Variants in MAPKAPK2 observed in about 807,000 individuals in gnomAD.
MAPKAPK2 encodes the protein MAP kinase-activated protein kinase 2.
MAPKAPK2 carries 9 observed loss-of-function variants against 48.8 expected under a neutral mutation model. The ratio of observed to expected loss-of-function variants is 0.18; its 90% CI spans 0.11 to 0.32. The LOEUF (loss-of-function observed/expected upper bound fraction) is 0.32. Among genes scored for constraint, MAPKAPK2 ranks in the 10% least tolerant of loss-of-function variants. The pLI is 1.00. For missense variants in MAPKAPK2, 331 were observed against 498.3 expected, an observed-to-expected ratio of 0.66 and a Z score of 3.20; for synonymous variants, 202 against 190.6, an observed-to-expected ratio of 1.06 and a Z score of -0.49.
intron 1 of MAPKAPK2, among the ~76,000 whole-genome samples, chr1:206,699,761 C>T (rs1189064438): frequency 2.6e-5 from 4 of 152,086 alleles, no homozygotes; most frequent in African/African-American, 4.8e-5. Context: ...ACAGGGAGGC[C>T]GTGTTTGTGT....
At position 206,731,857 on chromosome 1, in the gene MAPKAPK2, C is replaced by G. The variant is rs1363748424; in HGVS notation, c.997C>G (p.Gln333Glu). The G allele has an allele frequency of 6.2e-7, 1 of 1,614,120 alleles. No individual in the cohort carries two copies. Among genetic ancestry groups the G allele is most frequent in the Non-Finnish European group, 8.5e-7 (1 of 1,180,018 alleles). ...PWIMQSTKVPQTPLHTSRVLK... is the reference protein window; with the variant it reads ...PWIMQSTKVPETPLHTSRVLK... ...TTCTCAGCAATCAACAAAGGTCCCT[C>G]AAACCCCACTGCACACCAGCCGGGT... Residue 333 changes from glutamine (Q) to glutamate (E), a missense_variant, in exon 9 of 10, where the codon CAA (glutamine) becomes GAA (glutamate). Physicochemically the swap from Gln to Glu is conservative, Grantham distance 29. Transcript: ENST00000367103. This position sits in a 1 kb window ranked among gnomAD's most constrained non-coding sequence, Gnocchi z 5.9.
chr1:206,691,659 CT>C, intron 1 of MAPKAPK2, among the ~76,000 whole-genome samples: 1 of 151,968 alleles, frequency 6.6e-6, no homozygotes, highest in Non-Finnish European at 1.5e-5. Context: ...GTCAGCTAAA[CT>C]TTCCAGGCCT....
At chr1:206,693,427 G>A (rs1455257720) in intron 1 of MAPKAPK2, among the ~76,000 whole-genome samples, 4 of 152,086 alleles carry the variant, frequency 2.6e-5, no homozygotes, top group Admixed American at 6.5e-5. Context: ...GCTGGGAGAC[G>A]TGCTATGGTT....
At chr1:206,709,838 C>T (rs1192504723) in intron 1 of MAPKAPK2, among the ~76,000 whole-genome samples, 1 of 152,108 alleles carries the variant, frequency 6.6e-6, no homozygotes, top group African/African-American at 2.4e-5. Flanking sequence ...GCATCCCTGG[C>T]CTCTACCCAC....
intron 1 of MAPKAPK2, among the ~76,000 whole-genome samples, chr1:206,687,345 C>T (rs1285977581): frequency 1.3e-5 from 2 of 152,162 alleles, no homozygotes; most frequent in Admixed American, 6.5e-5. Context: ...TATTTTTCTA[C>T]TTTGAATAGT....
At chr1:206,697,153 G>C (rs1271757819) in intron 1 of MAPKAPK2, among the ~76,000 whole-genome samples, 1 of 152,154 alleles carries the variant, frequency 6.6e-6, no homozygotes, top group Non-Finnish European at 1.5e-5. Context: ...TGACCCTTTT[G>C]CCCTTTGGAG....
chr1:206,695,450 G>GTTT (rs797043593), intron 1 of MAPKAPK2, among the ~76,000 whole-genome samples: 9 of 123,008 alleles, frequency 7.3e-5, no homozygotes, highest in African/African-American at 2.4e-4. Context: ...GCCCTGATCT[G>GTTT]TTTTTTTTTT....
intron 1 of MAPKAPK2, among the ~76,000 whole-genome samples, chr1:206,700,104 CT>C (rs1672753171): frequency 6.6e-6 from 1 of 151,380 alleles, no homozygotes; most frequent in Non-Finnish European, 1.5e-5. Context: ...GTTCTTGCCC[CT>C]CCCGCTGCAA....
chr1:206,728,880 G>A, intron 2 of MAPKAPK2, 31 bp downstream of exon 2: 3 of 1,612,738 alleles, frequency 1.9e-6, no homozygotes, highest in Non-Finnish European at 2.5e-6. Context: ...TCCCGGCCCA[G>A]CCTGTTCCCA....
intron 1 of MAPKAPK2, among the ~76,000 whole-genome samples, chr1:206,725,212 C>A (rs185846185): frequency 6.6e-6 from 1 of 152,358 alleles, no homozygotes; most frequent in Admixed American, 6.5e-5. Flanking sequence ...GTGTTCAGGG[C>A]AGAAAGTGCG....
At chr1:206,716,707 G>T (rs1673349450) in intron 1 of MAPKAPK2, among the ~76,000 whole-genome samples, 1 of 152,008 alleles carries the variant, frequency 6.6e-6, no homozygotes, top group South Asian at 2.1e-4. Flanking sequence ...GTATGCATGG[G>T]GGCTGCTTAG....
At chr1:206,688,795 C>T (rs576912095) in intron 1 of MAPKAPK2, among the ~76,000 whole-genome samples, 59 of 152,142 alleles carry the variant, frequency 3.9e-4, no homozygotes, top group Admixed American at 7.8e-4. Flanking sequence ...TCACCATGCC[C>T]GGCTAATTTT....
intron 1 of MAPKAPK2, among the ~76,000 whole-genome samples, chr1:206,699,136 G>C (rs1553427511): frequency 6.6e-6 from 1 of 152,240 alleles, no homozygotes; most frequent in Non-Finnish European, 1.5e-5. Context: ...AAAAATGAAT[G>C]AAAGAGGACT....
intron 1 of MAPKAPK2, among the ~76,000 whole-genome samples, chr1:206,702,067 T>C (rs1672814712): frequency 6.6e-6 from 1 of 152,198 alleles, no homozygotes; most frequent in Non-Finnish European, 1.5e-5. Context: ...GTGATAATTA[T>C]CTGGGTTTGG....
In MAPKAPK2 at chr1:206,691,504, T is replaced by TATATATATATATATATATATATATATAC. The variant is rs1424297313; in HGVS notation, c.279+5997_279+5998insTATATATATATATATATATATATATACA. Among the ~76,000 whole-genome samples the TATATATATATATATATATATATATATAC allele has an allele frequency of 5.1e-3, 570 of 111,820 alleles. 13 individuals are homozygous for TATATATATATATATATATATATATATAC. The highest frequency in any genetic ancestry group is 8.2e-3 in the Non-Finnish European group (415 of 50,462). The allele number at this position is 111,820 out of a possible 152,430, so 73.4% of individuals were successfully genotyped here. On this transcript the variant is annotated intron_variant, in intron 1 of 9. Transcript: ENST00000367103. ...TAAGATATATATATATATATATATA[T>TATATATATATATATATATATATATATAC]ACACACATACACAGATATAGATATG...
rs12131284 is a variant in MAPKAPK2 at position 206,729,103 on chromosome 1, G to C, written c.484+4G>C. On this transcript the variant is annotated splice_donor_region_variant and intron_variant, in intron 3 of 9. Transcript: ENST00000367103. The stretch of plus-strand genomic sequence containing the variant: ...GACCAGGCATTCACAGAAAGAGGTA[G>C]AAAGGGTCTGTTGTGGGAGCACGTG... The C allele has an allele frequency of 3.3e-5, 54 of 1,614,158 alleles. No individual in the cohort carries two copies. Among genetic ancestry groups the C allele is most frequent in the Non-Finnish European group, 4.1e-5 (48 of 1,179,994 alleles).
chr1:206,694,300 A>C (rs1365081882), intron 1 of MAPKAPK2, among the ~76,000 whole-genome samples: 1 of 152,116 alleles, frequency 6.6e-6, no homozygotes, highest in African/African-American at 2.4e-5. Context: ...TGAGGAACCC[A>C]CTGCCTTCAG....
chr1:206,685,442 G>T lies in MAPKAPK2; in HGVS notation c.213G>T (p.Gly71=), dbSNP rs1672255873. The T allele has an allele frequency of 1.3e-6, 2 of 1,547,484 alleles. No homozygotes were observed. The highest frequency in any genetic ancestry group is 5.2e-5 in the East Asian group (2 of 38,222). ...DDYKVTSQVL[G]LGINGKVLQI... Reference sequence around the variant, plus strand: ...ACAAGGTCACCAGCCAGGTCCTGGGGCTGGGCATCAACGGCAAAGTTTTGC... The same window carrying T: ...ACAAGGTCACCAGCCAGGTCCTGGGTCTGGGCATCAACGGCAAAGTTTTGC... The change falls in exon 1 of 10, where the codon GGG becomes GGT. Residue 71 remains glycine, a synonymous_variant. Coordinates refer to ENST00000367103, the MANE Select transcript of MAPKAPK2 (RefSeq NM_032960.4).
chr1:206,686,652 C>G (rs1354869955), intron 1 of MAPKAPK2, among the ~76,000 whole-genome samples: 1 of 152,146 alleles, frequency 6.6e-6, no homozygotes, highest in Non-Finnish European at 1.5e-5. Context: ...GCCCCCACAG[C>G]GAGCTGTATT....
Sources: gnomAD v4.1 joint callset for allele counts (sites outside exome capture counted in the v4.1 genomes callset) on GRCh38, gnomAD v4.1.1 for gene constraint, Gnocchi (gnomAD v3.1) non-coding constraint, MANE v1.5 for transcripts, NCBI Gene and HGNC (gene_info 2026-07-23, HGNC 2026-07-21) for gene names.